The following SGCD variants were observed in gnomAD, a reference collection of about 807,000 sequenced individuals.
SGCD encodes the protein sarcoglycan delta.
A neutral mutation model predicts 36.6 loss-of-function variants in SGCD; 18 were observed. The ratio of observed to expected loss-of-function variants is 0.49; its 90% CI spans 0.34 to 0.73. The LOEUF (loss-of-function observed/expected upper bound fraction) is 0.73, where lower values mean the gene tolerates loss of function less well. Among genes scored for constraint, SGCD ranks in the 30% least tolerant of loss-of-function variants. The pLI, the probability that SGCD is intolerant of heterozygous loss-of-function variation, is 0.01. For missense variants in SGCD, 387 were observed against 346.7 expected (o/e 1.12, Z -0.92); for synonymous variants, 133 against 130.6 (o/e 1.02, Z -0.12).
At chr5:155,937,794 G>C (rs540862610) in intron 1 of SGCD, among the ~76,000 whole-genome samples, 1 of 152,306 alleles carries the variant, frequency 6.6e-6, no homozygotes, top group East Asian at 1.9e-4. Context: ...ATGTGTTATT[G>C]GACTGCATTG....
At chr5:156,395,794 C>A (rs549225012) in intron 3 of SGCD, among the ~76,000 whole-genome samples, 1 of 152,132 alleles carries the variant, frequency 6.6e-6, no homozygotes, top group Non-Finnish European at 1.5e-5. Flanking sequence ...GTGGGCTTTA[C>A]GACCCTGCCC....
chr5:156,640,753 T>C (rs927645428), intron 6 of SGCD, among the ~76,000 whole-genome samples: 1 of 152,228 alleles, frequency 6.6e-6, no homozygotes, highest in African/African-American at 2.4e-5. Flanking sequence ...TTATCTGTAC[T>C]TTTTGGATAA....
At chr5:155,778,981 T>A in the SGCD span, among the ~76,000 whole-genome samples, 2 of 152,250 alleles carry the variant, frequency 1.3e-5, no homozygotes, top group East Asian at 3.9e-4. Flanking sequence ...TAAAAGAAGA[T>A]CTCTCAAAAT....
intron 1 of SGCD, among the ~76,000 whole-genome samples, chr5:156,101,861 A>C (rs895794714): frequency 6.8e-6 from 1 of 148,006 alleles, no homozygotes; most frequent in African/African-American, 2.5e-5. Flanking sequence ...AATATCAATA[A>C]CTATAAACGT....
chr5:155,861,648 G>A, the SGCD span, among the ~76,000 whole-genome samples: 4 of 152,294 alleles, frequency 2.6e-5, no homozygotes, highest in South Asian at 8.3e-4. Context: ...AACCCAGAAG[G>A]TGGAGGTTGC....
At chr5:156,229,472 T>C (rs1764957082) in intron 3 of SGCD, among the ~76,000 whole-genome samples, 1 of 151,518 alleles carries the variant, frequency 6.6e-6, no homozygotes, top group Admixed American at 6.6e-5. Context: ...TTGTTTTGTT[T>C]GAGGAGACTG....
At chr5:156,237,192 T>C (rs1387655495) in intron 3 of SGCD, among the ~76,000 whole-genome samples, 2 of 152,200 alleles carry the variant, frequency 1.3e-5, no homozygotes, top group Non-Finnish European at 2.9e-5. Context: ...GGCTATTTTA[T>C]ATCTAAAAGT....
At chr5:156,475,908 G>A (rs946075096) in intron 3 of SGCD, among the ~76,000 whole-genome samples, 8 of 152,218 alleles carry the variant, frequency 5.3e-5, no homozygotes, top group Non-Finnish European at 7.3e-5. Context: ...TGGAGGACAG[G>A]CAGCACATTC....
At chr5:156,706,914 G>GC (rs1404500688) in intron 7 of SGCD, among the ~76,000 whole-genome samples, 2 of 152,082 alleles carry the variant, frequency 1.3e-5, no homozygotes, top group Non-Finnish European at 2.9e-5. Flanking sequence ...AGATGCAAAA[G>GC]CCAAGAACTT....
intron 3 of SGCD, among the ~76,000 whole-genome samples, chr5:156,300,823 G>A (rs568330577): frequency 3.3e-5 from 5 of 152,116 alleles, no homozygotes; most frequent in South Asian, 2.1e-4. Context: ...ATTTTCAATT[G>A]TTAAATCCTG....
chr5:156,093,778 A>T (rs1761306200), intron 1 of SGCD, among the ~76,000 whole-genome samples: 1 of 152,212 alleles, frequency 6.6e-6, no homozygotes, highest in Admixed American at 6.5e-5. Context: ...CAGTTAATAG[A>T]GGCTCAAACA....
At position 156,759,744 on chromosome 5, in the gene SGCD, C is replaced by T. The variant is rs1757465402; in HGVS notation, c.*354C>T. ...CCCCAGACCATTCAGAATCACACAG[C>T]GTATTAAACACTGACAGAATCTTCA... On this transcript the variant is annotated 3_prime_UTR_variant, in exon 9 of 9. Transcript: ENST00000337851. 1 of 152,060 alleles carries T rather than the reference C, an allele frequency of 6.6e-6. No individual in the cohort carries two copies. Among genetic ancestry groups the T allele is most frequent in the South Asian group, 2.1e-4 (1 of 4,824 alleles). The allele number at this position is 152,060 out of a possible 1,614,324, so 9.4% of individuals were successfully genotyped here.
intron 7 of SGCD, among the ~76,000 whole-genome samples, chr5:156,735,718 G>A (rs1044309507): frequency 2.6e-5 from 4 of 152,272 alleles, no homozygotes; most frequent in Non-Finnish European, 4.4e-5. Context: ...TGCCATAAAA[G>A]CAGGGCCCGC....
At chr5:156,643,389 G>A (rs550066396) in intron 6 of SGCD, among the ~76,000 whole-genome samples, 115 of 152,008 alleles carry the variant, frequency 7.6e-4, no homozygotes, top group African/African-American at 2.7e-3. Flanking sequence ...ATATTATACC[G>A]TGAGCTTCTT....
intron 3 of SGCD, among the ~76,000 whole-genome samples, chr5:156,265,195 T>C (rs539712839): frequency 1.3e-5 from 2 of 152,312 alleles, no homozygotes; most frequent in East Asian, 3.9e-4. Context: ...GGGATTTCTT[T>C]ACTTCTTTGG....
chr5:156,280,163 A>G (rs986502163), intron 3 of SGCD, among the ~76,000 whole-genome samples: 5 of 152,162 alleles, frequency 3.3e-5, no homozygotes, highest in Non-Finnish European at 5.9e-5. Flanking sequence ...TTTTAATGAT[A>G]ATTAAAAAAC....
intron 3 of SGCD, among the ~76,000 whole-genome samples, chr5:156,270,345 T>C (rs12716369): frequency 0.22 from 33,978 of 152,176 alleles, 4,116 homozygotes; most frequent in Admixed American, 0.27. Context: ...TCCTTGGCTA[T>C]TCAAGCTCTT....
the SGCD span, among the ~76,000 whole-genome samples, chr5:155,762,235 T>C: frequency 6.6e-6 from 1 of 152,118 alleles, no homozygotes; most frequent in Non-Finnish European, 1.5e-5. Flanking sequence ...CAGATGTGAA[T>C]GAATGCTGGC....
At chr5:155,747,735 A>T in the SGCD span, among the ~76,000 whole-genome samples, 2 of 152,188 alleles carry the variant, frequency 1.3e-5, no homozygotes, top group Non-Finnish European at 2.9e-5. Context: ...GATAATATTT[A>T]TGGGAAATCT....
Sources: gnomAD v4.1 joint callset for allele counts (sites outside exome capture counted in the v4.1 genomes callset) on GRCh38, gnomAD v4.1.1 for gene constraint, MANE v1.5 for transcripts, NCBI Gene and HGNC (gene_info 2026-07-23, HGNC 2026-07-21) for gene names.